Variants in CRELD2 observed in about 807,000 individuals in gnomAD.
CRELD2 encodes the protein CRELD disulfide isomerase 2, also known as protein disulfide isomerase CRELD2.
CRELD2 carries 33 observed loss-of-function variants against 48.1 expected under a neutral mutation model. That is an observed-to-expected ratio of 0.69 (90% CI 0.52 to 0.92). CRELD2 has a LOEUF of 0.92. Among genes scored for constraint, CRELD2 ranks in the 40% least tolerant of loss-of-function variants. CRELD2 has a pLI of 0.00. For missense variants in CRELD2, 477 were observed against 482.4 expected, an observed-to-expected ratio of 0.99 and a Z score of 0.10; for synonymous variants, 220 against 203.9, an observed-to-expected ratio of 1.08 and a Z score of -0.67.
rs979268836 is a variant in CRELD2 at position 49,927,492 on chromosome 22, T to C, written c.*185T>C. ...TCTTAAACAGACTTGTATATTTTGA[T>C]ACAGTTCTTTGTAATAAAATTGACC... On this transcript the variant is annotated 3_prime_UTR_variant, in exon 10 of 10. Transcript: ENST00000328268. The C allele has an allele frequency of 1.7e-6, 1 of 605,254 alleles. No individual in the cohort carries two copies. The highest frequency in any genetic ancestry group is 1.9e-5 in the African/African-American group (1 of 53,832). The allele number at this position is 605,254 out of a possible 1,614,324, so 37.5% of individuals were successfully genotyped here.
Position 49,918,826 on chromosome 22 carries a change from G to A in CRELD2, c.57G>A (p.Pro19=). The change falls in exon 1 of 10, where the codon CCG becomes CCA. Residue 19 remains proline, a synonymous_variant. Coordinates refer to ENST00000328268, the MANE Select transcript of CRELD2 (RefSeq NM_024324.5). ...TCCTGCCGCTTCTGCTGCTGCTGCC[G>A]CCCGCGCCGGAGGCCGCCAAGAAGC... ...LGLLPLLLLL[P]PAPEAAKKPT... is the part of the protein sequence containing the mutation. The A allele has an allele frequency of 3.0e-6, 4 of 1,323,370 alleles. No homozygotes were observed. The highest frequency in any genetic ancestry group is 3.8e-6 in the Non-Finnish European group (4 of 1,040,246). The allele number at this position is 1,323,370 out of a possible 1,614,324, so 82.0% of individuals were successfully genotyped here.
chr22:49,919,659 C>T lies in CRELD2; in HGVS notation c.213-71C>T, dbSNP rs1290578185. On this transcript the variant is annotated intron_variant, in intron 2 of 9. Coordinates refer to ENST00000328268, the MANE Select transcript of CRELD2 (RefSeq NM_024324.5). ...TCCCCGGCCCCTGCACCCAGGTTGG[C>T]GTATTGGTTCGGATTTTTCTTCACT... is the stretch of plus-strand genomic sequence containing the variant. 8 of 1,152,916 alleles carry T rather than the reference C, an allele frequency of 6.9e-6. No homozygotes were observed. In the South Asian group the frequency reaches 7.1e-5, roughly 10 times the overall value. 71.4% of individuals were successfully genotyped at this position (1,152,916 alleles called of 1,614,324 possible).
At chr22:49,919,135 T>C in intron 1 of CRELD2, 95 bp from the exon 2 acceptor site, 1 of 1,300,392 alleles carries the variant, frequency 7.7e-7, no homozygotes, top group Admixed American at 1.7e-5. Flanking sequence ...GACGCCACCG[T>C]GGGCCTGGAG....
chr22:49,919,079 C>A, intron 1 of CRELD2, 151 bp from the exon 2 acceptor site: 1 of 890,572 alleles, frequency 1.1e-6, no homozygotes. Context: ...TCCTGGAGTC[C>A]CCCTCACCCT....
At chr22:49,927,201 A>G in intron 9 of CRELD2, 54 bp from the exon 10 acceptor site, 1 of 1,509,434 alleles carries the variant, frequency 6.6e-7, no homozygotes, top group Non-Finnish European at 9.2e-7. Context: ...GAAAGGCCTC[A>G]TCCCCAGGGC....
intron 5 of CRELD2, chr22:49,922,004 AG>A: frequency 1.7e-6 from 1 of 603,304 alleles, no homozygotes; most frequent in South Asian, 2.1e-5. Context: ...CTCTAGTTCA[AG>A]GTCCACCCCG....
chr22:49,927,460 T>C lies in CRELD2; in HGVS notation c.*153T>C, dbSNP rs916357874. Reference sequence around the variant, plus strand: ...TTGTCCCTTAAACAGCTGCATTTCTTGGTTGTTCTTAAACAGACTTGTATA... The same window carrying C: ...TTGTCCCTTAAACAGCTGCATTTCTCGGTTGTTCTTAAACAGACTTGTATA... On this transcript the variant is annotated 3_prime_UTR_variant, in exon 10 of 10. Transcript: ENST00000328268. 1.2e-5 allele frequency: 8 copies of C among 658,552 alleles called. No homozygotes were observed. The African/African-American group carries it at 1.4e-4, about 12-fold the overall frequency. 40.8% of individuals were successfully genotyped at this position (658,552 alleles called of 1,614,324 possible).
chr22:49,919,845 G>A lies in CRELD2; in HGVS notation c.323+5G>A. The A allele has an allele frequency of 6.3e-7, 1 of 1,581,920 alleles. No homozygotes were observed. ...GGAGGCCTGGTGGCTGCAGCTGTGAGTGCCTTAAAACCTCTTAGAAGATAC... is the reference window on the plus strand; with the variant it reads ...GGAGGCCTGGTGGCTGCAGCTGTGAATGCCTTAAAACCTCTTAGAAGATAC... On this transcript the variant is annotated splice_donor_5th_base_variant and intron_variant, in intron 3 of 9. Coordinates refer to ENST00000328268, the MANE Select transcript of CRELD2 (RefSeq NM_024324.5).
At position 49,927,302 on chromosome 22, in the gene CRELD2, C is replaced by T. The variant is rs1196680938; in HGVS notation, c.1057C>T (p.Leu353=). The change falls in exon 10 of 10, where the codon CTG becomes TTG. Residue 353 remains leucine (L), a synonymous_variant. Coordinates refer to ENST00000328268, the MANE Select transcript of CRELD2 (RefSeq NM_024324.5). ...GACACAGCTGCCCTCCCGCGAAGAC[C>T]TGTAATGTGCCGGACTTACCCTTTA... The part of the protein sequence containing the change: ...SPTQLPSRED[L] 3 of 1,611,640 alleles carry T rather than the reference C, an allele frequency of 1.9e-6. No individual in the cohort carries two copies. Among genetic ancestry groups the T allele is most frequent in the Non-Finnish European group, 2.5e-6 (3 of 1,179,114 alleles).
chr22:49,923,950 G>A, intron 7 of CRELD2: 1 of 228,552 alleles, frequency 4.4e-6, no homozygotes, highest in Non-Finnish European at 8.7e-6. Flanking sequence ...GACAGCCCCA[G>A]GCAGTTTTCA....
chr22:49,918,802 CCTGCCGCTT>C lies in CRELD2; in HGVS notation c.38_46del (p.Pro13_Leu15del). On this transcript the variant is annotated inframe_deletion, in exon 1 of 10. Transcript: ENST00000328268. The stretch of plus-strand genomic sequence containing the variant: ...TGCCGCGCCGGGCCGCGCTGGGGCT[CCTGCCGCTT>C]CTGCTGCTGCTGCCGCCCGCGCCGG... 7.5e-7 allele frequency: 1 copy of C among 1,329,114 alleles called. No homozygotes were observed. Among genetic ancestry groups the C allele is most frequent in the Non-Finnish European group, 9.6e-7 (1 of 1,042,856 alleles). 82.3% of individuals were successfully genotyped at this position (1,329,114 alleles called of 1,614,324 possible). A position where few individuals can be genotyped will look rare whatever the true frequency, so the allele number is the denominator to read the frequency against.
chr22:49,922,738 G>A (rs1416628053), intron 6 of CRELD2, 31 bp downstream of exon 6: 16 of 1,419,182 alleles, frequency 1.1e-5, no homozygotes, highest in African/African-American at 1.7e-5. Flanking sequence ...GGAGGAGGGC[G>A]CCTGCGTGAG....
In CRELD2 at chr22:49,919,763, G is replaced by A. The variant is rs779882652; in HGVS notation, c.246G>A (p.Leu82=). ...GCCTGCTGGAGATCCTGGAGGGGCT[G>A]TGCGAGAGCAGCGACTTCGAATGCA... ...EIRLLEILEG[L]CESSDFECNQ... is the part of the protein sequence containing the mutation. Residue 82 remains leucine, a synonymous_variant, in exon 3 of 10, where the codon CTG becomes CTA. Coordinates refer to ENST00000328268, the MANE Select transcript of CRELD2 (RefSeq NM_024324.5). 49 of 1,612,156 alleles carry A rather than the reference G, an allele frequency of 3.0e-5. 1 individual carries two copies. In the Middle Eastern group the frequency reaches 6.8e-3, roughly 223 times the overall value.
chr22:49,920,825 G>A (rs561532470), intron 4 of CRELD2, among the ~76,000 whole-genome samples: 48 of 152,098 alleles, frequency 3.2e-4, no homozygotes, highest in African/African-American at 8.9e-4. Context: ...CCCCCCACCC[G>A]CCCACCATCA....
chr22:49,927,173 C>T (rs2060776737), intron 9 of CRELD2, 82 bp from the exon 10 acceptor site: 1 of 1,263,396 alleles, frequency 7.9e-7, no homozygotes, highest in Non-Finnish European at 1.2e-6. Context: ...AGGCCCTGCA[C>T]ATGCGCTGCT....
chr22:49,919,181 G>C, intron 1 of CRELD2, 49 bp from the exon 2 acceptor site: 1 of 1,583,046 alleles, frequency 6.3e-7, no homozygotes, highest in Non-Finnish European at 8.7e-7. Context: ...CCCCCACCCT[G>C]GACCCGGGTC....
rs537870815 is a variant in CRELD2 at position 49,927,359 on chromosome 22, T to G, written c.*52T>G. 2.0e-6 allele frequency: 3 copies of G among 1,530,548 alleles called. No homozygotes were observed. The highest frequency in any genetic ancestry group is 2.7e-6 in the Non-Finnish European group (3 of 1,105,488). 94.8% of individuals were successfully genotyped at this position (1,530,548 alleles called of 1,614,324 possible). ...TCAGAAGGATGTCCCGTGGAAAATGTGGCCCTGAGGATGCCGTCTCCTGCA... is the reference window on the plus strand; with the variant it reads ...TCAGAAGGATGTCCCGTGGAAAATGGGGCCCTGAGGATGCCGTCTCCTGCA... On this transcript the variant is annotated 3_prime_UTR_variant, in exon 10 of 10. Transcript: ENST00000328268.
At chr22:49,925,084 T>G in intron 8 of CRELD2, 1 of 176,854 alleles carries the variant, frequency 5.7e-6, no homozygotes, top group Admixed American at 6.4e-5. Flanking sequence ...TGAGAGGAGA[T>G]CGCGCCACCG....
chr22:49,922,757 G>A (rs1376464590), intron 6 of CRELD2, 50 bp downstream of exon 6: 1 of 963,860 alleles, frequency 1.0e-6, no homozygotes, highest in South Asian at 1.6e-5. Context: ...AGGCGTGGGG[G>A]GTGTGAGATG....
Sources: allele counts gnomAD v4.1 joint callset (sites outside exome capture counted in the v4.1 genomes callset), GRCh38; gene constraint gnomAD v4.1.1; transcripts MANE v1.5; gene names NCBI Gene and HGNC (gene_info 2026-07-23, HGNC 2026-07-21).